STAT1: variants seen among roughly 807,000 people sequenced by gnomAD.
STAT1 encodes signal transducer and activator of transcription 1.
STAT1 carries 24 observed loss-of-function variants against 111.7 expected under a neutral mutation model. The observed-to-expected ratio is 0.21, with a 90% CI of 0.16 to 0.30. The LOEUF is 0.30. STAT1 is among the 10% of genes least tolerant of loss of function. The pLI is 1.00. For synonymous variants in STAT1, 332 were observed against 326.5 expected, an observed-to-expected ratio of 1.02 and a Z score of -0.18; for missense variants, 351 against 911.9, an observed-to-expected ratio of 0.38 and a Z score of 7.92.
Position 190,970,472 on chromosome 2 carries a change from C to T in STAT1, c.*231G>A. Reference sequence around the variant, plus strand: ...ATGTTTTTCACTTGTGAAACCCACTCTTCAGAGAATGCCTTTCAATTTTAC... The same window carrying T: ...ATGTTTTTCACTTGTGAAACCCACTTTTCAGAGAATGCCTTTCAATTTTAC... On this transcript the variant is annotated 3_prime_UTR_variant, in exon 25 of 25. Coordinates refer to ENST00000361099, the MANE Select transcript of STAT1 (RefSeq NM_007315.4). The surrounding 1 kb of genome is among the most constrained non-coding windows in gnomAD (Gnocchi z 5.4). The T allele has an allele frequency of 1.7e-6, 1 of 599,066 alleles. No homozygotes were observed. The highest frequency in any genetic ancestry group is 2.6e-5 in the Admixed American group (1 of 38,978). The allele number at this position is 599,066 out of a possible 1,614,324, so 37.1% of individuals were successfully genotyped here. A position where few individuals can be genotyped will look rare whatever the true frequency, so the allele number is the denominator to read the frequency against.
chr2:190,976,254 G>A lies in STAT1; in HGVS notation c.2060-367C>T, dbSNP rs1204580521. Among the ~76,000 whole-genome samples the A allele has an allele frequency of 6.6e-6, 1 of 152,192 alleles. No homozygotes were observed. The highest frequency in any genetic ancestry group is 1.5e-5 in the Non-Finnish European group (1 of 68,030). ...TTCACAGCTGTCAAGGTAAGCTGGG[G>A]ACATCTTCATTCCAAAGTAATTGTC... On this transcript the variant is annotated intron_variant, in intron 22 of 24. Transcript: ENST00000361099. The surrounding 1 kb of genome is among the most constrained non-coding windows in gnomAD (Gnocchi z 6.0).
rs1692519635 is a variant in STAT1 at position 190,983,203 on chromosome 2, C to G, written c.1446+439G>C. ...TTGACAAAAATGTTGTGACCAGAGGCTTGAAGGAACCTAGCCTCGTAGTTC... is the reference window on the plus strand; with the variant it reads ...TTGACAAAAATGTTGTGACCAGAGGGTTGAAGGAACCTAGCCTCGTAGTTC... On this transcript the variant is annotated intron_variant, in intron 17 of 24. Coordinates refer to ENST00000361099, the MANE Select transcript of STAT1 (RefSeq NM_007315.4). This position sits in a 1 kb window ranked among gnomAD's most constrained non-coding sequence, Gnocchi z 5.7. Among the ~76,000 whole-genome samples, 1 of 152,166 alleles carries G rather than the reference C, an allele frequency of 6.6e-6. No individual in the cohort carries two copies. The highest frequency in any genetic ancestry group is 1.5e-5 in the Non-Finnish European group (1 of 68,022).
intron 5 of STAT1, among the ~76,000 whole-genome samples, chr2:191,002,394 C>T (rs1355338806): frequency 6.6e-6 from 1 of 152,146 alleles, no homozygotes; most frequent in African/African-American, 2.4e-5. Flanking sequence ...TAAGCCTGAA[C>T]CCTTGAAGGA....
At position 191,000,421 on chromosome 2, in the gene STAT1, T is replaced by C. The variant is rs1457665885; in HGVS notation, c.462+653A>G. ...CATGTAAGTCAAGGCCATACTGCTA[T>C]TACCCAGAGATCCACAGAGGACCAA... is the stretch of plus-strand genomic sequence containing the variant. On this transcript the variant is annotated intron_variant, in intron 6 of 24. Coordinates refer to ENST00000361099, the MANE Select transcript of STAT1 (RefSeq NM_007315.4). This position sits in a 1 kb window ranked among gnomAD's most constrained non-coding sequence, Gnocchi z 4.8. Among the ~76,000 whole-genome samples, 1 of 152,094 alleles carries C rather than the reference T, an allele frequency of 6.6e-6. No individual in the cohort carries two copies. Among genetic ancestry groups the C allele is most frequent in the Non-Finnish European group, 1.5e-5 (1 of 68,016 alleles).
rs1350688596 is a variant in STAT1, at chr2:190,999,032, C to T, written c.541+594G>A. On this transcript the variant is annotated intron_variant, in intron 7 of 24. Coordinates refer to ENST00000361099, the MANE Select transcript of STAT1 (RefSeq NM_007315.4). This position sits in a 1 kb window ranked among gnomAD's most constrained non-coding sequence, Gnocchi z 4.1. ...TGAATAGAGTAACAGCAGTACCCTACGTGTCCTACACAATGTACATTCTTG... is the reference window on the plus strand; with the variant it reads ...TGAATAGAGTAACAGCAGTACCCTATGTGTCCTACACAATGTACATTCTTG... 6.6e-6 allele frequency among the ~76,000 whole-genome samples: 1 copy of T among 152,130 alleles called. No homozygotes were observed. The highest frequency in any genetic ancestry group is 1.5e-5 in the Non-Finnish European group (1 of 68,020).
Position 190,998,519 on chromosome 2 carries a change from G to A in STAT1, c.542-211C>T, listed in dbSNP as rs113581360. On this transcript the variant is annotated intron_variant, in intron 7 of 24. Coordinates refer to ENST00000361099, the MANE Select transcript of STAT1 (RefSeq NM_007315.4). This position sits in a 1 kb window ranked among gnomAD's most constrained non-coding sequence, Gnocchi z 4.1. ...AAATACTTGTTTTCAAAAATTAGCC[G>A]GGCGCAGTGGCAGACGCCTGTAGTC... Among the ~76,000 whole-genome samples, 100 of 152,050 alleles carry A rather than the reference G, an allele frequency of 6.6e-4. 2 individuals carry two copies. The highest frequency in any genetic ancestry group is 2.3e-3 in the African/African-American group (96 of 41,480).
intron 5 of STAT1, among the ~76,000 whole-genome samples, chr2:191,005,779 A>C (rs944107680): frequency 6.6e-6 from 1 of 152,218 alleles, no homozygotes; most frequent in Non-Finnish European, 1.5e-5. Flanking sequence ...CTACCTAGCC[A>C]ATAGTTGGCT....
rs1694139198 is a variant in STAT1, at chr2:190,999,904, A to G, written c.463-200T>C. Among the ~76,000 whole-genome samples, 2 of 152,240 alleles carry G rather than the reference A, an allele frequency of 1.3e-5. No individual in the cohort carries two copies. ...TAATAAGTATGTCATAACATTTTTA[A>G]AAAAGCAAACGTACAATAATTCTCA... On this transcript the variant is annotated intron_variant, in intron 6 of 24. Coordinates refer to ENST00000361099, the MANE Select transcript of STAT1 (RefSeq NM_007315.4). This position sits in a 1 kb window ranked among gnomAD's most constrained non-coding sequence, Gnocchi z 4.1.
At position 190,999,253 on chromosome 2, in the gene STAT1, C is replaced by G. The variant is rs1313328326; in HGVS notation, c.541+373G>C. ...GCTCTGTGTCAGTCAGTGGGCTAGG[C>G]GCAATAAATATGGTGAGTAACACAT... On this transcript the variant is annotated intron_variant, in intron 7 of 24. Coordinates refer to ENST00000361099, the MANE Select transcript of STAT1 (RefSeq NM_007315.4). This position sits in a 1 kb window ranked among gnomAD's most constrained non-coding sequence, Gnocchi z 4.1. Among the ~76,000 whole-genome samples the G allele has an allele frequency of 6.6e-6, 1 of 152,068 alleles. No homozygotes were observed. The highest frequency in any genetic ancestry group is 1.5e-5 in the Non-Finnish European group (1 of 68,008).
At position 190,975,641 on chromosome 2, in the gene STAT1, TA is replaced by T. The variant is rs1691848301; in HGVS notation, c.2135+170del. On this transcript the variant is annotated intron_variant, in intron 23 of 24. Coordinates refer to ENST00000361099, the MANE Select transcript of STAT1 (RefSeq NM_007315.4). This position sits in a 1 kb window ranked among gnomAD's most constrained non-coding sequence, Gnocchi z 5.9. ...TGGTTTTTGGCTTTTTTTTTTTTTTTAAAGTAGTAAAATGCTGATAGGCAGT... is the reference window on the plus strand; with the variant it reads ...TGGTTTTTGGCTTTTTTTTTTTTTTTAAGTAGTAAAATGCTGATAGGCAGT... The T allele has an allele frequency of 4.1e-5, 58 of 1,406,310 alleles. No homozygotes were observed. The highest frequency in any genetic ancestry group is 1.1e-4 in the East Asian group (4 of 37,878). 87.1% of individuals were successfully genotyped at this position (1,406,310 alleles called of 1,614,324 possible).
In STAT1 at chr2:190,976,563, C is replaced by A. The variant is rs558380474; in HGVS notation, c.2059+277G>T. Among the ~76,000 whole-genome samples, 1 of 152,174 alleles carries A rather than the reference C, an allele frequency of 6.6e-6. No homozygotes were observed. Among genetic ancestry groups the A allele is most frequent in the African/African-American group, 2.4e-5 (1 of 41,422 alleles). Reference sequence around the variant, plus strand: ...GGTTTACCACAGTTCCTTATTTAAACCCTTTTCATGTGGAAACAGTGATAG... The same window carrying A: ...GGTTTACCACAGTTCCTTATTTAAAACCTTTTCATGTGGAAACAGTGATAG... On this transcript the variant is annotated intron_variant, in intron 22 of 24. Coordinates refer to ENST00000361099, the MANE Select transcript of STAT1 (RefSeq NM_007315.4). This position sits in a 1 kb window ranked among gnomAD's most constrained non-coding sequence, Gnocchi z 6.0.
At position 190,969,281 on chromosome 2, in the gene STAT1, C is replaced by T. The variant is rs1374679950; in HGVS notation, c.*1422G>A. ...AGGCCTCAGATTGTATGCAGTGCCA[C>T]GGAAAGCACTGTGTGCATATTATAT... On this transcript the variant is annotated 3_prime_UTR_variant, in exon 25 of 25. Transcript: ENST00000361099. 2 of 152,092 alleles carry T rather than the reference C, an allele frequency of 1.3e-5. No homozygotes were observed. The highest frequency in any genetic ancestry group is 3.8e-4 in the East Asian group (2 of 5,200). 9.4% of individuals were successfully genotyped at this position (152,092 alleles called of 1,614,324 possible).
In STAT1 at chr2:191,004,649, T is replaced by G. The variant is rs1013912570; in HGVS notation, c.372+2914A>C. Among the ~76,000 whole-genome samples, 1 of 152,252 alleles carries G rather than the reference T, an allele frequency of 6.6e-6. No homozygotes were observed. The highest frequency in any genetic ancestry group is 2.4e-5 in the African/African-American group (1 of 41,468). ...GAGTGAAGTACCTGACCTCTAAACC[T>G]TAGTTTTCTCATCTTTAAAATGGGG... On this transcript the variant is annotated intron_variant, in intron 5 of 24. Transcript: ENST00000361099. The surrounding 1 kb of genome is among the most constrained non-coding windows in gnomAD (Gnocchi z 5.0).
chr2:191,004,709 G>GT lies in STAT1; in HGVS notation c.372+2853dup, dbSNP rs1384442161. ...CCTAACTTCAGTGATAGTTTCGAAA[G>GT]TATTTACTCAAATGAAATAATGTTT... On this transcript the variant is annotated intron_variant, in intron 5 of 24. Transcript: ENST00000361099. This position sits in a 1 kb window ranked among gnomAD's most constrained non-coding sequence, Gnocchi z 5.0. Among the ~76,000 whole-genome samples, 1 of 152,188 alleles carries GT rather than the reference G, an allele frequency of 6.6e-6. No individual in the cohort carries two copies. The highest frequency in any genetic ancestry group is 1.9e-4 in the East Asian group (1 of 5,192).
At position 190,982,396 on chromosome 2, in the gene STAT1, T is replaced by C. The variant is rs1211461298; in HGVS notation, c.1569A>G (p.Gly523=). 12 of 1,614,086 alleles carry C rather than the reference T, an allele frequency of 7.4e-6. No individual in the cohort carries two copies. In the Admixed American group the frequency reaches 1.8e-4, roughly 25 times the overall value. The change falls in exon 18 of 25, where the codon GGA becomes GGG. Residue 523 remains glycine, a synonymous_variant. Transcript: ENST00000361099. This position sits in a 1 kb window ranked among gnomAD's most constrained non-coding sequence, Gnocchi z 7.3. The stretch of plus-strand genomic sequence containing the variant: ...ATATGCATATACCAAGAAGCTTCTC[T>C]CCCAACATGTTCAGCTGGTCCACAT... ...GLNVDQLNML[G]EKLLGPNASP... is the part of the protein sequence containing the mutation.
chr2:190,987,241 T>C lies in STAT1; in HGVS notation c.1098-173A>G, dbSNP rs1278361203. Among the ~76,000 whole-genome samples the C allele has an allele frequency of 6.6e-6, 1 of 152,238 alleles. No homozygotes were observed. The highest frequency in any genetic ancestry group is 1.5e-5 in the Non-Finnish European group (1 of 68,044). On this transcript the variant is annotated intron_variant, in intron 12 of 24. Transcript: ENST00000361099. This position sits in a 1 kb window ranked among gnomAD's most constrained non-coding sequence, Gnocchi z 4.0. Reference sequence around the variant, plus strand: ...ACTCCCTGCTTCCATCTACCCATACTAGGTCTGGCAAGTATCACTGAATGA... The same window carrying C: ...ACTCCCTGCTTCCATCTACCCATACCAGGTCTGGCAAGTATCACTGAATGA...
At position 190,998,092 on chromosome 2, in the gene STAT1, T is replaced by A; in HGVS notation, c.634-85A>T. 1 of 1,571,378 alleles carries A rather than the reference T, an allele frequency of 6.4e-7. No individual in the cohort carries two copies. ...ATATTTTTTAAAAGAAAAGCAAATATCATTTCATTCTCAACTGGGGCTCTA... is the reference window on the plus strand; with the variant it reads ...ATATTTTTTAAAAGAAAAGCAAATAACATTTCATTCTCAACTGGGGCTCTA... On this transcript the variant is annotated intron_variant, in intron 8 of 24. Coordinates refer to ENST00000361099, the MANE Select transcript of STAT1 (RefSeq NM_007315.4). The surrounding 1 kb of genome is among the most constrained non-coding windows in gnomAD (Gnocchi z 4.1).
Position 190,989,138 on chromosome 2 carries a change from A to G in STAT1, c.1097+477T>C, listed in dbSNP as rs940976245. Among the ~76,000 whole-genome samples, 6 of 151,966 alleles carry G rather than the reference A, an allele frequency of 3.9e-5. No individual in the cohort carries two copies. The highest frequency in any genetic ancestry group is 1.5e-4 in the African/African-American group (6 of 41,362). On this transcript the variant is annotated intron_variant, in intron 12 of 24. Coordinates refer to ENST00000361099, the MANE Select transcript of STAT1 (RefSeq NM_007315.4). The surrounding 1 kb of genome is among the most constrained non-coding windows in gnomAD (Gnocchi z 5.0). ...TCCAGAAAAAAACCCCCAAATGACC[A>G]CAGAATCATGGCAGCCTGGACGTTC...
At chr2:191,002,405 T>C (rs1029886187) in intron 5 of STAT1, among the ~76,000 whole-genome samples, 2 of 152,218 alleles carry the variant, frequency 1.3e-5, no homozygotes, top group Non-Finnish European at 2.9e-5. Context: ...CCTTGAAGGA[T>C]GTTTGACTAT....
Sources: allele counts gnomAD v4.1 joint callset (sites outside exome capture counted in the v4.1 genomes callset), GRCh38; gene constraint gnomAD v4.1.1; non-coding constraint Gnocchi (gnomAD v3.1); transcripts MANE v1.5; gene names NCBI Gene and HGNC (gene_info 2026-07-23, HGNC 2026-07-21).